Variants in ZDHHC15 observed in about 807,000 individuals in gnomAD.
ZDHHC15 encodes palmitoyltransferase ZDHHC15.
A neutral mutation model predicts 31.7 loss-of-function variants in ZDHHC15; 19 were observed. The observed-to-expected ratio is 0.60, with a 90% CI of 0.42 to 0.88. The LOEUF (loss-of-function observed/expected upper bound fraction) is 0.88, where lower values mean the gene tolerates loss of function less well. ZDHHC15 is among the 40% of genes least tolerant of loss of function. ZDHHC15 has a pLI of 0.00. For missense variants in ZDHHC15, 209 were observed against 251.2 expected (o/e 0.83, Z 1.14); for synonymous variants, 103 against 90.0 (o/e 1.14, Z -0.82).
chrX:75,507,901 T>C (rs2085192769), intron 1 of ZDHHC15, among the ~76,000 whole-genome samples: 2 of 111,167 alleles, frequency 1.8e-5, no homozygotes, highest in Admixed American at 1.9e-4. Context: ...TTTAAATAGA[T>C]GCATATTGTA....
At chrX:75,485,845 G>T (rs1198088876) in intron 2 of ZDHHC15, among the ~76,000 whole-genome samples, 1 of 112,141 alleles carries the variant, frequency 8.9e-6, no homozygotes. Flanking sequence ...TGCATTTTAA[G>T]ACGTTCAAGT....
intron 2 of ZDHHC15, among the ~76,000 whole-genome samples, chrX:75,489,468 C>G (rs1374009796): frequency 8.9e-6 from 1 of 112,002 alleles, no homozygotes; most frequent in East Asian, 2.8e-4. Flanking sequence ...ACTGCTGATA[C>G]CCAGGCAAAC....
intron 10 of ZDHHC15, among the ~76,000 whole-genome samples, chrX:75,401,593 C>A (rs1329143288): frequency 9.0e-6 from 1 of 111,708 alleles, no homozygotes; most frequent in Non-Finnish European, 1.9e-5. Context: ...GGTTGCAATC[C>A]TAATTTCTGA....
At chrX:75,475,747 C>CA (rs758678646) in intron 3 of ZDHHC15, among the ~76,000 whole-genome samples, 1,854 of 110,397 alleles carry the variant, frequency 0.017, 34 homozygotes, top group Admixed American at 0.07. Flanking sequence ...TTTATTTCTG[C>CA]AAAAAAAAGA....
intron 10 of ZDHHC15, among the ~76,000 whole-genome samples, chrX:75,404,618 T>C (rs1015088988): frequency 1.1e-4 from 12 of 111,081 alleles, no homozygotes; most frequent in African/African-American, 3.9e-4. Flanking sequence ...CAAACAAACA[T>C]ATAAAAAAAG....
At chrX:75,465,162 C>A (rs1351877963) in intron 3 of ZDHHC15, among the ~76,000 whole-genome samples, 1 of 111,809 alleles carries the variant, frequency 8.9e-6, no homozygotes, top group Admixed American at 9.6e-5. Flanking sequence ...ACATCAACAA[C>A]TGGTAAGCAG....
At chrX:75,462,809 C>T (rs774347892) in intron 3 of ZDHHC15, among the ~76,000 whole-genome samples, 1 of 110,593 alleles carries the variant, frequency 9.0e-6, no homozygotes, top group Non-Finnish European at 1.9e-5. Context: ...ATCCCCACAC[C>T]AAAAAGCTAG....
intron 4 of ZDHHC15, among the ~76,000 whole-genome samples, chrX:75,442,848 C>T (rs1179354095): frequency 6.4e-4 from 69 of 107,827 alleles, no homozygotes; most frequent in Admixed American, 2.8e-3. Flanking sequence ...TAGCCGGGCA[C>T]GGTGGCGGGC....
chrX:75,427,497 G>T, intron 7 of ZDHHC15, among the ~76,000 whole-genome samples: 2 of 111,387 alleles, frequency 1.8e-5, no homozygotes, highest in South Asian at 7.5e-4. Context: ...ATGTAATATT[G>T]TTTATTTTGT....
At chrX:75,473,838 A>G (rs1207535608) in intron 3 of ZDHHC15, among the ~76,000 whole-genome samples, 1 of 111,852 alleles carries the variant, frequency 8.9e-6, no homozygotes, top group Non-Finnish European at 1.9e-5. Flanking sequence ...TTTTTCCTTT[A>G]TCATGTGACA....
At chrX:75,472,323 C>A (rs910245718) in intron 3 of ZDHHC15, among the ~76,000 whole-genome samples, 4 of 111,812 alleles carry the variant, frequency 3.6e-5, no homozygotes, top group African/African-American at 1.3e-4. Context: ...CACTACAGCC[C>A]CTTTCTAGGA....
chrX:75,448,441 C>T (rs1342882846), intron 4 of ZDHHC15, among the ~76,000 whole-genome samples: 2 of 112,255 alleles, frequency 1.8e-5, no homozygotes, highest in Admixed American at 1.9e-4. Context: ...GTTATGAATA[C>T]AGTTGTGTGT....
chrX:75,422,181 C>G (rs990203125), intron 8 of ZDHHC15, among the ~76,000 whole-genome samples, 191 bp from the exon 9 acceptor site: 26 of 112,001 alleles, frequency 2.3e-4, no homozygotes, highest in African/African-American at 7.8e-4. Context: ...AATCACTTCA[C>G]ACAAACTAAA....
intron 3 of ZDHHC15, among the ~76,000 whole-genome samples, chrX:75,465,238 C>A (rs752983846): frequency 1.5e-4 from 17 of 111,609 alleles, no homozygotes; most frequent in Non-Finnish European, 2.8e-4. Context: ...CCTAGGAATA[C>A]AGCTAACAAG....
At chrX:75,518,387 AT>A (rs1272373360) in intron 1 of ZDHHC15, among the ~76,000 whole-genome samples, 1 of 110,967 alleles carries the variant, frequency 9.0e-6, no homozygotes, top group South Asian at 3.8e-4. Flanking sequence ...GATACTCAAT[AT>A]TTTTTTCATT....
At chrX:75,472,597 C>T (rs1177225301) in intron 3 of ZDHHC15, among the ~76,000 whole-genome samples, 1 of 111,862 alleles carries the variant, frequency 8.9e-6, no homozygotes, top group Non-Finnish European at 1.9e-5. Flanking sequence ...ATTTGTATCC[C>T]ATGTGAGTGG....
At chrX:75,447,221 ATC>A (rs2084046145) in intron 4 of ZDHHC15, among the ~76,000 whole-genome samples, 1 of 112,082 alleles carries the variant, frequency 8.9e-6, no homozygotes, top group African/African-American at 3.2e-5. Flanking sequence ...TCAACCTGGT[ATC>A]AGGTTGATTA....
At chrX:75,442,726 C>T (rs960893158) in intron 4 of ZDHHC15, among the ~76,000 whole-genome samples, 1 of 111,348 alleles carries the variant, frequency 9.0e-6, no homozygotes, top group Non-Finnish European at 1.9e-5. Flanking sequence ...GTGGCTCACG[C>T]CTGTAATCCC....
At chrX:75,511,596 T>C (rs1388314048) in intron 1 of ZDHHC15, among the ~76,000 whole-genome samples, 2 of 101,414 alleles carry the variant, frequency 2.0e-5, no homozygotes, top group East Asian at 6.4e-4. Context: ...ATCCCATTTG[T>C]CAATTTTGGC....
Sources: allele counts gnomAD v4.1 joint callset (sites outside exome capture counted in the v4.1 genomes callset), GRCh38; gene constraint gnomAD v4.1.1; transcripts MANE v1.5; gene names NCBI Gene and HGNC (gene_info 2026-07-23, HGNC 2026-07-21).